ZNF407: variants seen among roughly 807,000 people sequenced by gnomAD.
ZNF407 encodes zinc finger protein 407.
Under a neutral mutation model 131.2 loss-of-function variants are expected in ZNF407, and 17 were observed. The ratio of observed to expected loss-of-function variants is 0.13; its 90% CI spans 0.09 to 0.19. The LOEUF (loss-of-function observed/expected upper bound fraction) is 0.19, where lower values mean the gene tolerates loss of function less well. Among genes scored for constraint, ZNF407 ranks in the 10% least tolerant of loss-of-function variants. The pLI is 1.00. For missense variants in ZNF407, 2,681 were observed against 2,830.6 expected (o/e 0.95, Z 1.20); for synonymous variants, 1,156 against 1,062.0 (o/e 1.09, Z -1.72).
chr18:74,914,754 C>T (rs1971724187), intron 7 of ZNF407, among the ~76,000 whole-genome samples: 2 of 152,122 alleles, frequency 1.3e-5, no homozygotes, highest in African/African-American at 4.8e-5. Context: ...TCCTCTGCAC[C>T]ATGGTCGTCT....
At chr18:74,883,738 G>A (rs1454819297) in intron 6 of ZNF407, among the ~76,000 whole-genome samples, 1 of 152,206 alleles carries the variant, frequency 6.6e-6, no homozygotes, top group East Asian at 1.9e-4. Context: ...AAAGAGCACC[G>A]CACTATGACG....
At chr18:74,722,064 G>GTT (rs113844354) in intron 3 of ZNF407, among the ~76,000 whole-genome samples, 48 of 142,248 alleles carry the variant, frequency 3.4e-4, no homozygotes, top group Middle Eastern at 3.8e-3. Flanking sequence ...GTCTTTGTCT[G>GTT]TTTTTTTTTT....
intron 8 of ZNF407, among the ~76,000 whole-genome samples, chr18:74,992,938 C>T (rs2122141207): frequency 6.6e-6 from 1 of 152,150 alleles, no homozygotes; most frequent in Admixed American, 6.5e-5. Context: ...CCACTGCACA[C>T]CCACTAAGAT....
intron 7 of ZNF407, chr18:74,898,507 C>G (rs1971482466): frequency 6.6e-6 from 1 of 152,192 alleles, no homozygotes; most frequent in South Asian, 2.1e-4. Flanking sequence ...ATTCCTTATT[C>G]AATAACGCAG....
chr18:74,662,391 G>A lies in ZNF407; in HGVS notation c.4802+21269G>A, dbSNP rs371360100. Among the ~76,000 whole-genome samples, 21 of 152,170 alleles carry A rather than the reference G, an allele frequency of 1.4e-4. No homozygotes were observed. In the East Asian group the frequency reaches 3.3e-3, roughly 24 times the overall value. On this transcript the variant is annotated intron_variant, in intron 3 of 8. Coordinates refer to ENST00000299687, the MANE Select transcript of ZNF407 (RefSeq NM_017757.3). Reference sequence around the variant, plus strand: ...TCATTATACTATCACTTACATTCATGAAATCTTTATATAAAATGGATGTTG... The same window carrying A: ...TCATTATACTATCACTTACATTCATAAAATCTTTATATAAAATGGATGTTG...
At chr18:74,758,993 A>C (rs2144967740) in intron 3 of ZNF407, among the ~76,000 whole-genome samples, 1 of 152,334 alleles carries the variant, frequency 6.6e-6, no homozygotes, top group South Asian at 2.1e-4. Context: ...CCATTTAAAG[A>C]ACTGCGCTTA....
rs141633355 is a variant in ZNF407 at position 74,965,565 on chromosome 18, G to C, written c.5428+44873G>C. On this transcript the variant is annotated intron_variant, in intron 8 of 8. Transcript: ENST00000299687. The stretch of plus-strand genomic sequence containing the variant: ...TTTCTTTATTCATTTGTCATCTGTT[G>C]ATGGACACTTAGGTTGCTTCCAAAT... Among the ~76,000 whole-genome samples the C allele has an allele frequency of 4.5e-3, 687 of 152,218 alleles. 5 individuals are homozygous for C. The highest frequency in any genetic ancestry group is 0.015 in the African/African-American group (631 of 41,532).
At chr18:74,920,805 A>G in intron 8 of ZNF407, 113 bp downstream of exon 8, 1 of 1,365,582 alleles carries the variant, frequency 7.3e-7, no homozygotes, top group Non-Finnish European at 9.6e-7. Context: ...AGAGTATGTG[A>G]TAGTATCTGC....
At chr18:74,930,668 A>G (rs990530323) in intron 8 of ZNF407, among the ~76,000 whole-genome samples, 1 of 152,074 alleles carries the variant, frequency 6.6e-6, no homozygotes, top group Non-Finnish European at 1.5e-5. Flanking sequence ...CCTGAGGTTT[A>G]TAATCCAATA....
At chr18:74,901,244 G>C (rs1971520407) in intron 7 of ZNF407, among the ~76,000 whole-genome samples, 1 of 152,062 alleles carries the variant, frequency 6.6e-6, no homozygotes, top group South Asian at 2.1e-4. Flanking sequence ...TGGAATTGTT[G>C]CTGCTTCGTT....
At chr18:74,708,316 G>A (rs1371676009) in intron 3 of ZNF407, among the ~76,000 whole-genome samples, 1 of 152,196 alleles carries the variant, frequency 6.6e-6, no homozygotes, top group Non-Finnish European at 1.5e-5. Flanking sequence ...TGAGGCATAT[G>A]TAGTCATTAC....
chr18:74,901,869 G>T (rs1460035319), intron 7 of ZNF407, among the ~76,000 whole-genome samples: 2 of 149,258 alleles, frequency 1.3e-5, no homozygotes, highest in African/African-American at 4.9e-5. Context: ...ACTGTATGTT[G>T]TTCTGTAAAA....
At chr18:74,599,413 CT>C (rs1982477425) in intron 1 of ZNF407, among the ~76,000 whole-genome samples, 1 of 152,206 alleles carries the variant, frequency 6.6e-6, no homozygotes, top group Non-Finnish European at 1.5e-5. Context: ...AGTGGCTCCA[CT>C]TCAAAAACAC....
At chr18:74,601,549 A>G (rs890889852) in intron 1 of ZNF407, among the ~76,000 whole-genome samples, 24 of 152,208 alleles carry the variant, frequency 1.6e-4, no homozygotes, top group African/African-American at 5.5e-4. Context: ...CAGGCTCTAC[A>G]GGAAGTGTGG....
intron 1 of ZNF407, among the ~76,000 whole-genome samples, chr18:74,604,782 C>G (rs1040158406): frequency 6.6e-6 from 1 of 151,988 alleles, no homozygotes; most frequent in Non-Finnish European, 1.5e-5. Context: ...TCATGTAATC[C>G]CCCCAAATCT....
At chr18:74,902,350 C>T (rs1245918306) in intron 7 of ZNF407, among the ~76,000 whole-genome samples, 4 of 152,198 alleles carry the variant, frequency 2.6e-5, no homozygotes. Flanking sequence ...TGCGAAACTA[C>T]ACAGCTCAGA....
At chr18:74,917,290 A>G (rs1261396127) in intron 7 of ZNF407, among the ~76,000 whole-genome samples, 2 of 152,162 alleles carry the variant, frequency 1.3e-5, no homozygotes, top group African/African-American at 2.4e-5. Context: ...TGCTTCTGGT[A>G]TGTATATGTT....
intron 8 of ZNF407, among the ~76,000 whole-genome samples, chr18:74,929,602 C>T (rs545123253): frequency 2.6e-5 from 4 of 152,264 alleles, no homozygotes; most frequent in African/African-American, 9.6e-5. Flanking sequence ...CACACCCTCA[C>T]ACACATATTT....
At chr18:74,753,106 G>A (rs1435600071) in intron 3 of ZNF407, among the ~76,000 whole-genome samples, 1 of 151,980 alleles carries the variant, frequency 6.6e-6, no homozygotes, top group East Asian at 1.9e-4. Context: ...TTGTAAGTTG[G>A]ATTCCTACAT....
Sources: gnomAD v4.1 joint callset for allele counts (sites outside exome capture counted in the v4.1 genomes callset) on GRCh38, gnomAD v4.1.1 for gene constraint, MANE v1.5 for transcripts, NCBI Gene and HGNC (gene_info 2026-07-23, HGNC 2026-07-21) for gene names.